The following CEP162 variants were observed in gnomAD, a reference collection of about 807,000 sequenced individuals.
CEP162 encodes the protein centrosomal protein 162, also known as centrosomal protein of 162 kDa.
CEP162 carries 141 observed loss-of-function variants against 169.2 expected under a neutral mutation model. That is an observed-to-expected ratio of 0.83 (90% CI 0.73 to 0.96). CEP162 has a LOEUF of 0.96. Among genes scored for constraint, CEP162 ranks in the 40% least tolerant of loss-of-function variants. The probability of loss-of-function intolerance (pLI) is 0.00; values close to 1 mark genes in which losing one functional copy is unlikely to be tolerated. For missense variants in CEP162, 1,600 were observed against 1,587.2 expected (o/e 1.01, Z -0.14); for synonymous variants, 540 against 526.4 (o/e 1.03, Z -0.35).
Position 84,161,883 on chromosome 6 carries a change from A to T in CEP162, c.2539T>A (p.Leu847Ile). The change falls in exon 20 of 27, where the codon TTA (leucine) becomes ATA (isoleucine). Residue 847 changes from leucine (L) to isoleucine (I), a missense_variant. Leu to Ile is a conservative substitution (Grantham distance 5). Transcript: ENST00000403245. Reference sequence around the variant, plus strand: ...ATTTCTTGTTTATGTGTTTCTTCTAAAATTTTTATTTCATATAATTTCTCA... The same window carrying T: ...ATTTCTTGTTTATGTGTTTCTTCTATAATTTTTATTTCATATAATTTCTCA... Reference protein sequence around the residue: ...TGEKLYEIKILEETHKQEISR... With the variant: ...TGEKLYEIKIIEETHKQEISR... 6.4e-7 allele frequency: 1 copy of T among 1,554,666 alleles called. No homozygotes were observed. The highest frequency in any genetic ancestry group is 8.8e-7 in the Non-Finnish European group (1 of 1,141,702).
At position 84,194,703 on chromosome 6, in the gene CEP162, C is replaced by T. The variant is rs145767714; in HGVS notation, c.1027+181G>A. Among the ~76,000 whole-genome samples, 537 of 152,174 alleles carry T rather than the reference C, an allele frequency of 3.5e-3. 4 individuals are homozygous for T. Among genetic ancestry groups the T allele is most frequent in the African/African-American group, 0.012 (494 of 41,522 alleles). On this transcript the variant is annotated intron_variant, in intron 10 of 26. Transcript: ENST00000403245. The stretch of plus-strand genomic sequence containing the variant: ...TCTTGACCTCGTGATCCACCCACCT[C>T]GGCCTCCCAAAGTGCTGGGATTACA...
chr6:84,223,328 G>A (rs900656252), intron 2 of CEP162, among the ~76,000 whole-genome samples: 6 of 151,166 alleles, frequency 4.0e-5, no homozygotes, highest in African/African-American at 1.5e-4. Flanking sequence ...GTGAAACCAT[G>A]TCTCTACTAA....
chr6:84,203,262 T>G (rs1342031364), intron 7 of CEP162, among the ~76,000 whole-genome samples: 1 of 152,156 alleles, frequency 6.6e-6, no homozygotes, highest in Admixed American at 6.5e-5. Context: ...CCAAGTAAGT[T>G]TCAGACGTTA....
At chr6:84,134,594 G>C (rs1215847654) in intron 25 of CEP162, among the ~76,000 whole-genome samples, 1 of 152,106 alleles carries the variant, frequency 6.6e-6, no homozygotes, top group Non-Finnish European at 1.5e-5. Context: ...CCTTGGCTAG[G>C]GGAGGGAGTT....
intron 9 of CEP162, among the ~76,000 whole-genome samples, chr6:84,195,337 C>T (rs1287573719): frequency 6.6e-6 from 1 of 152,098 alleles, no homozygotes; most frequent in Non-Finnish European, 1.5e-5. Flanking sequence ...CTTAATCGAC[C>T]CCCTCTGCAT....
intron 6 of CEP162, among the ~76,000 whole-genome samples, chr6:84,209,671 G>A (rs956125260): frequency 3.3e-5 from 5 of 152,046 alleles, no homozygotes; most frequent in Admixed American, 6.6e-5. Flanking sequence ...CACCACACCC[G>A]GCCTATTATA....
chr6:84,225,219 G>T (rs1442932367), intron 2 of CEP162, among the ~76,000 whole-genome samples: 1 of 152,046 alleles, frequency 6.6e-6, no homozygotes, highest in African/African-American at 2.4e-5. Context: ...CATCATAGGA[G>T]CATCATAGAG....
At chr6:84,166,001 T>C (rs1302803748) in intron 18 of CEP162, among the ~76,000 whole-genome samples, 1 of 152,216 alleles carries the variant, frequency 6.6e-6, no homozygotes, top group East Asian at 1.9e-4. Context: ...TATTAGTGTC[T>C]ACTTCATGGA....
rs2099525462 is a variant in CEP162, at chr6:84,160,873, T to C, written c.2720A>G (p.Gln907Arg). Residue 907 changes from glutamine (Q) to arginine (R), a missense_variant, in exon 21 of 27, where the codon CAG becomes CGG. Coordinates refer to ENST00000403245, the MANE Select transcript of CEP162 (RefSeq NM_014895.4). The part of the protein sequence containing the change: ...KAESGNPSIR[Q>R]KIRLKDKAAD... ...TGCTTTATCTTTTAAGCGTATCTTC[T>C]GCCGAATAGATGGATTCCCAGATTC... 6.2e-7 allele frequency: 1 copy of C among 1,613,204 alleles called. No homozygotes were observed. Among genetic ancestry groups the C allele is most frequent in the East Asian group, 2.2e-5 (1 of 44,856 alleles).
intron 21 of CEP162, among the ~76,000 whole-genome samples, chr6:84,156,485 A>G (rs893745413): frequency 3.3e-5 from 5 of 152,118 alleles, no homozygotes; most frequent in Non-Finnish European, 5.9e-5. Flanking sequence ...CTCACTAATC[A>G]CCAAATAAAT....
At chr6:84,209,134 G>A (rs2099548471) in intron 6 of CEP162, among the ~76,000 whole-genome samples, 1 of 152,128 alleles carries the variant, frequency 6.6e-6, no homozygotes, top group Non-Finnish European at 1.5e-5. Context: ...GAGCCAGAAG[G>A]CCTAAATTCA....
chr6:84,141,062 G>T (rs576104989), intron 25 of CEP162, among the ~76,000 whole-genome samples: 41 of 152,200 alleles, frequency 2.7e-4, no homozygotes, highest in Admixed American at 6.5e-4. Context: ...ATCTAATGCC[G>T]CCACTGATCT....
chr6:84,219,270 G>C, intron 3 of CEP162: 1 of 704,094 alleles, frequency 1.4e-6, no homozygotes, highest in Non-Finnish European at 2.2e-6. Flanking sequence ...TCAGGGACCA[G>C]GTTATTCCCG....
rs1373077754 is a variant in CEP162 at position 84,200,852 on chromosome 6, C to A, written c.772G>T (p.Asp258Tyr). 6.2e-7 allele frequency: 1 copy of A among 1,612,432 alleles called. No homozygotes were observed. The highest frequency in any genetic ancestry group is 1.3e-5 in the African/African-American group (1 of 74,886). Residue 258 changes from aspartate to tyrosine, a missense_variant, in exon 9 of 27, where the codon GAT becomes TAT. Physicochemically the swap from Asp to Tyr is radical, Grantham distance 160. Coordinates refer to ENST00000403245, the MANE Select transcript of CEP162 (RefSeq NM_014895.4). ...SVAEVNLDEQ[D>Y]KITPKPRCLP... ...CACCTTGGCTTAGGTGTTATTTTATCTTGTTCATCAAGATTGACCTCTGCA... is the reference window on the plus strand; with the variant it reads ...CACCTTGGCTTAGGTGTTATTTTATATTGTTCATCAAGATTGACCTCTGCA...
At chr6:84,183,058 TATC>T (rs2099535608) in intron 13 of CEP162, among the ~76,000 whole-genome samples, 1 of 152,138 alleles carries the variant, frequency 6.6e-6, no homozygotes, top group African/African-American at 2.4e-5. Context: ...AGATTAAAAA[TATC>T]ATACTTAATA....
At chr6:84,183,045 CAG>C (rs1405161012) in intron 13 of CEP162, among the ~76,000 whole-genome samples, 4 of 152,170 alleles carry the variant, frequency 2.6e-5, no homozygotes, top group African/African-American at 9.6e-5. Context: ...CAATAAAAAA[CAG>C]AGATTAAAAA....
At chr6:84,191,933 T>C (rs1016724) in intron 11 of CEP162, among the ~76,000 whole-genome samples, 4,771 of 152,272 alleles carry the variant, frequency 0.031, 281 homozygotes, top group African/African-American at 0.11. Flanking sequence ...TGAAGTGATA[T>C]GAAACTTCTG....
chr6:84,183,713 G>T (rs1266383041), intron 13 of CEP162, among the ~76,000 whole-genome samples: 1 of 152,078 alleles, frequency 6.6e-6, no homozygotes, highest in Admixed American at 6.6e-5. Flanking sequence ...TGGCAAAAAT[G>T]TATTTCTTGG....
intron 11 of CEP162, among the ~76,000 whole-genome samples, chr6:84,191,732 G>A (rs2099540018): frequency 6.6e-6 from 1 of 151,852 alleles, no homozygotes; most frequent in Admixed American, 6.6e-5. Context: ...CTTGGGGAAG[G>A]GGATAAGTTG....
Sources: gnomAD v4.1 joint callset for allele counts (sites outside exome capture counted in the v4.1 genomes callset) on GRCh38, gnomAD v4.1.1 for gene constraint, MANE v1.5 for transcripts, NCBI Gene and HGNC (gene_info 2026-07-23, HGNC 2026-07-21) for gene names.